Variants in NALF1 observed in about 807,000 individuals in gnomAD.
NALF1 encodes the protein family with sequence similarity 155 member A.
In NALF1, 3 loss-of-function variants were observed where a neutral mutation model predicts 48.4. The observed-to-expected ratio is 0.06, with a 90% CI of 0.03 to 0.16. NALF1 has a LOEUF of 0.16. Among genes scored for constraint, NALF1 ranks in the 10% least tolerant of loss-of-function variants. The pLI, the probability that NALF1 is intolerant of heterozygous loss-of-function variation, is 1.00. For missense variants in NALF1, 526 were observed against 571.5 expected (o/e 0.92, Z 0.81); for synonymous variants, 262 against 245.7 (o/e 1.07, Z -0.62).
intron 2 of NALF1, among the ~76,000 whole-genome samples, chr13:107,209,326 G>A (rs1879709416): frequency 6.6e-6 from 1 of 152,098 alleles, no homozygotes; most frequent in African/African-American, 2.4e-5. Flanking sequence ...GGCCAACACG[G>A]TGAAACACCG....
At chr13:107,268,212 T>C (rs918371146) in intron 1 of NALF1, among the ~76,000 whole-genome samples, 12 of 151,982 alleles carry the variant, frequency 7.9e-5, no homozygotes, top group African/African-American at 2.9e-4. Context: ...ATGGTCTCAA[T>C]CTCTTGACCT....
intron 1 of NALF1, among the ~76,000 whole-genome samples, chr13:107,648,298 A>G (rs867833849): frequency 6.6e-6 from 1 of 152,132 alleles, no homozygotes; most frequent in Admixed American, 6.5e-5. Context: ...CATACAGAAT[A>G]ATTTCACTGT....
At chr13:107,410,610 T>C (rs572172568) in intron 1 of NALF1, among the ~76,000 whole-genome samples, 2 of 152,222 alleles carry the variant, frequency 1.3e-5, no homozygotes, top group African/African-American at 4.8e-5. Context: ...TTAAAACTCT[T>C]GAAAATTTTC....
intron 1 of NALF1, among the ~76,000 whole-genome samples, chr13:107,262,286 G>A (rs1346176047): frequency 6.6e-6 from 1 of 152,056 alleles, no homozygotes; most frequent in Non-Finnish European, 1.5e-5. Context: ...GTGGTAGCAT[G>A]TGCCTGTTGT....
At chr13:107,857,012 C>T (rs2138646881) in intron 1 of NALF1, among the ~76,000 whole-genome samples, 1 of 152,354 alleles carries the variant, frequency 6.6e-6, no homozygotes, top group African/African-American at 2.4e-5. Context: ...CAACACAAAG[C>T]ATTGGATAGT....
chr13:107,795,572 C>T (rs1393087277), intron 1 of NALF1, among the ~76,000 whole-genome samples: 1 of 152,138 alleles, frequency 6.6e-6, no homozygotes, highest in Non-Finnish European at 1.5e-5. Context: ...TTCAAATCAG[C>T]TCAAAATTCA....
chr13:107,733,790 C>G (rs1876383496), intron 1 of NALF1, among the ~76,000 whole-genome samples: 1 of 151,996 alleles, frequency 6.6e-6, no homozygotes, highest in South Asian at 2.1e-4. Flanking sequence ...AAAATTGTTG[C>G]TAGGACACAA....
intron 1 of NALF1, among the ~76,000 whole-genome samples, chr13:107,269,425 A>T (rs1881109768): frequency 6.6e-6 from 1 of 152,204 alleles, no homozygotes; most frequent in South Asian, 2.1e-4. Context: ...CCTGAAAAAA[A>T]GTCAGGGGTC....
intron 1 of NALF1, among the ~76,000 whole-genome samples, chr13:107,354,532 A>G (rs11617265): frequency 6.6e-6 from 1 of 152,156 alleles, no homozygotes; most frequent in Non-Finnish European, 1.5e-5. Context: ...AGCAAGGGGG[A>G]AACCTGATCC....
intron 1 of NALF1, among the ~76,000 whole-genome samples, chr13:107,804,044 C>A (rs1413895369): frequency 6.6e-6 from 1 of 152,152 alleles, no homozygotes; most frequent in Non-Finnish European, 1.5e-5. Flanking sequence ...CTCCCCCACC[C>A]CAGTGTCACA....
intron 1 of NALF1, among the ~76,000 whole-genome samples, chr13:107,351,464 T>C (rs1284623661): frequency 2.0e-5 from 3 of 152,172 alleles, no homozygotes; most frequent in Non-Finnish European, 4.4e-5. Flanking sequence ...TGATAAGGCT[T>C]ATCACAGACA....
chr13:107,644,850 A>C (rs945896648), intron 1 of NALF1, among the ~76,000 whole-genome samples: 1 of 151,758 alleles, frequency 6.6e-6, no homozygotes, highest in African/African-American at 2.4e-5. Context: ...TCCTTGCCTC[A>C]TACTGCTGTA....
chr13:107,788,921 A>G (rs1878152690), intron 1 of NALF1: 1 of 152,218 alleles, frequency 6.6e-6, no homozygotes, highest in African/African-American at 2.4e-5. Flanking sequence ...GAGGTTGGCC[A>G]TAATAGAAAG....
At chr13:107,741,390 T>C (rs1352531036) in intron 1 of NALF1, among the ~76,000 whole-genome samples, 3 of 152,228 alleles carry the variant, frequency 2.0e-5, no homozygotes. Flanking sequence ...TATTGTCTTG[T>C]GGATAAAGTG....
In NALF1 at chr13:107,638,156, T is replaced by C. The variant is rs1390024863; in HGVS notation, c.915+227526A>G. Among the ~76,000 whole-genome samples the C allele has an allele frequency of 2.1e-5, 3 of 141,696 alleles. No homozygotes were observed. In the East Asian group the frequency reaches 6.6e-4, roughly 31 times the overall value. The allele number at this position is 141,696 out of a possible 152,430, so 93.0% of individuals were successfully genotyped here. ...GCAATGAACCTATATATGAAAGCAC[T>C]TGGAGTATATATCCCTATCTATATA... On this transcript the variant is annotated intron_variant, in intron 1 of 2. Transcript: ENST00000375915.
At chr13:107,685,976 C>T (rs76537040) in intron 1 of NALF1, among the ~76,000 whole-genome samples, 3,972 of 152,226 alleles carry the variant, frequency 0.026, 174 homozygotes, top group African/African-American at 0.09. Flanking sequence ...AGATAAGCTA[C>T]AAATATCATT....
At chr13:107,371,864 G>C (rs1222432475) in intron 1 of NALF1, among the ~76,000 whole-genome samples, 1 of 152,170 alleles carries the variant, frequency 6.6e-6, no homozygotes, top group Admixed American at 6.5e-5. Context: ...TTTTATTACA[G>C]TTTTAGAAAT....
chr13:107,831,137 GA>G (rs1879711879), intron 1 of NALF1, among the ~76,000 whole-genome samples: 1 of 152,118 alleles, frequency 6.6e-6, no homozygotes, highest in African/African-American at 2.4e-5. Flanking sequence ...TTCCTACTCT[GA>G]ATAAGAAATT....
chr13:107,229,053 T>C (rs979459163), intron 1 of NALF1, among the ~76,000 whole-genome samples: 2 of 152,176 alleles, frequency 1.3e-5, no homozygotes, highest in South Asian at 2.1e-4. Flanking sequence ...TTAGAAGCTA[T>C]GTCGTCTGAA....
Sources: allele counts gnomAD v4.1 joint callset (sites outside exome capture counted in the v4.1 genomes callset), GRCh38; gene constraint gnomAD v4.1.1; transcripts MANE v1.5; gene names NCBI Gene and HGNC (gene_info 2026-07-23, HGNC 2026-07-21).